The following CLCA4 variants were observed in gnomAD, a reference collection of about 807,000 sequenced individuals.
The protein encoded by CLCA4 is calcium-activated chloride channel regulator 4.
A neutral mutation model predicts 78.9 loss-of-function variants in CLCA4; 69 were observed. That is an observed-to-expected ratio of 0.87 (90% CI 0.72 to 1.07). The LOEUF (loss-of-function observed/expected upper bound fraction) is 1.07. CLCA4 is among the 50% of genes least tolerant of loss of function. CLCA4 has a pLI of 0.00. For missense variants in CLCA4, 1,133 were observed against 1,095.8 expected (o/e 1.03, Z -0.48); for synonymous variants, 362 against 375.8 (o/e 0.96, Z 0.42).
At chr1:86,551,754 C>A (rs1207209777) in intron 1 of CLCA4, among the ~76,000 whole-genome samples, 1 of 152,190 alleles carries the variant, frequency 6.6e-6, no homozygotes. Flanking sequence ...TCCTGAAGAC[C>A]AACTGGTGCC....
At chr1:86,559,289 G>GT (rs966010792) in intron 1 of CLCA4, among the ~76,000 whole-genome samples, 17 of 151,782 alleles carry the variant, frequency 1.1e-4, no homozygotes, top group Non-Finnish European at 2.2e-4. Context: ...TCTACTATGG[G>GT]TTTTTTTTCA....
At chr1:86,573,199 C>G (rs939779091) in intron 9 of CLCA4, among the ~76,000 whole-genome samples, 6 of 151,794 alleles carry the variant, frequency 4.0e-5, no homozygotes, top group Non-Finnish European at 5.9e-5. Context: ...TAATCATTGT[C>G]TATCTACAAA....
At chr1:86,566,147 C>T (rs966246627) in intron 6 of CLCA4, 127 bp downstream of exon 6, 45 of 673,172 alleles carry the variant, frequency 6.7e-5, no homozygotes, top group Non-Finnish European at 9.1e-5. Flanking sequence ...TGCCCATGAT[C>T]ATGACTTCAA....
At position 86,575,401 on chromosome 1, in the gene CLCA4, C is replaced by T. The variant is rs764564515; in HGVS notation, c.1753C>T (p.Arg585Ter). 28 of 1,613,222 alleles carry T rather than the reference C, an allele frequency of 1.7e-5. No homozygotes were observed. The highest frequency in any genetic ancestry group is 7.7e-5 in the South Asian group (7 of 91,054). ...AACATTAACTATTACAGTAACTTCT[C>T]GAGCAGCAAATTCTTCTGTGCCTCC... The part of the protein sequence containing the change: ...PETLTITVTS[R>*]AANSSVPPIT... The change falls in exon 11 of 14, where the codon CGA becomes TGA. Residue 585 changes from arginine (R) to a stop codon, truncating the protein, a stop_gained. Coordinates refer to ENST00000370563, the MANE Select transcript of CLCA4 (RefSeq NM_012128.4). LOFTEE classifies it high-confidence loss of function.
chr1:86,552,631 C>T (rs1013908607), intron 1 of CLCA4: 8 of 712,788 alleles, frequency 1.1e-5, no homozygotes, highest in African/African-American at 1.1e-4. Flanking sequence ...AGGTCTCCAC[C>T]AGGATCTCCA....
At chr1:86,564,878 T>C (rs1423547817) in intron 4 of CLCA4, among the ~76,000 whole-genome samples, 1 of 152,098 alleles carries the variant, frequency 6.6e-6, no homozygotes, top group Non-Finnish European at 1.5e-5. Context: ...ATATCTTCTT[T>C]GGAAGGAAAT....
At position 86,567,352 on chromosome 1, in the gene CLCA4, T is replaced by C; in HGVS notation, c.955-72T>C. The stretch of plus-strand genomic sequence containing the variant: ...AAATGTTACCAATAAATTCTGTCCA[T>C]TCATTTTATGTGATCTTCTATTATT... On this transcript the variant is annotated intron_variant, in intron 6 of 13. Coordinates refer to ENST00000370563, the MANE Select transcript of CLCA4 (RefSeq NM_012128.4). 7 of 1,246,570 alleles carry C rather than the reference T, an allele frequency of 5.6e-6. No homozygotes were observed. The South Asian group carries it at 1.0e-4, about 18-fold the overall frequency. The allele number at this position is 1,246,570 out of a possible 1,614,324, so 77.2% of individuals were successfully genotyped here.
At chr1:86,569,445 T>A (rs928799953) in intron 7 of CLCA4, among the ~76,000 whole-genome samples, 1 of 151,964 alleles carries the variant, frequency 6.6e-6, no homozygotes, top group Non-Finnish European at 1.5e-5. Context: ...TCAAAAAATA[T>A]GAGGCTTGTA....
chr1:86,549,035 T>C (rs1025722651), intron 1 of CLCA4, among the ~76,000 whole-genome samples: 8 of 152,200 alleles, frequency 5.3e-5, no homozygotes, highest in Non-Finnish European at 1.5e-5. Context: ...TCTGGCACCA[T>C]GCAGTGTATC....
chr1:86,571,816 G>C (rs373136601), intron 8 of CLCA4, among the ~76,000 whole-genome samples: 1 of 151,998 alleles, frequency 6.6e-6, no homozygotes, highest in Non-Finnish European at 1.5e-5. Flanking sequence ...AACTATGGTA[G>C]CTGTTATTTC....
intron 7 of CLCA4, 41 bp from the exon 8 acceptor site, chr1:86,571,036 G>A (rs759147577): frequency 3.4e-6 from 5 of 1,474,020 alleles, no homozygotes; most frequent in East Asian, 2.3e-5. Flanking sequence ...ATTTGATCTA[G>A]GAACATCTGT....
intron 4 of CLCA4, 83 bp downstream of exon 4, chr1:86,563,852 C>G: frequency 1.4e-6 from 1 of 713,142 alleles, no homozygotes; most frequent in African/African-American, 1.8e-5. Flanking sequence ...CAAAATCATT[C>G]TTAATGCAGA....
At chr1:86,550,475 C>A (rs750930261) in intron 1 of CLCA4, among the ~76,000 whole-genome samples, 8 of 151,946 alleles carry the variant, frequency 5.3e-5, no homozygotes, top group South Asian at 4.1e-4. Context: ...ACAGGCATGC[C>A]CAGATTTTAC....
chr1:86,553,531 G>A (rs962602807), intron 1 of CLCA4, among the ~76,000 whole-genome samples: 13 of 152,202 alleles, frequency 8.5e-5, no homozygotes, highest in South Asian at 2.1e-4. Context: ...CGCCGCTGCC[G>A]CCTGCTTCCC....
intron 12 of CLCA4, among the ~76,000 whole-genome samples, chr1:86,578,940 G>A (rs962652446): frequency 6.6e-6 from 1 of 151,976 alleles, no homozygotes; most frequent in African/African-American, 2.4e-5. Flanking sequence ...CTAGCAATTG[G>A]AATACAATCA....
chr1:86,562,073 A>G (rs967067885), intron 3 of CLCA4, among the ~76,000 whole-genome samples: 11 of 152,114 alleles, frequency 7.2e-5, no homozygotes, highest in Admixed American at 1.3e-4. Context: ...TTAAAAGTAC[A>G]CACACACACG....
At chr1:86,573,450 T>C (rs1236765172) in intron 9 of CLCA4, among the ~76,000 whole-genome samples, 1 of 152,022 alleles carries the variant, frequency 6.6e-6, no homozygotes, top group Non-Finnish European at 1.5e-5. Context: ...TTCCTACATG[T>C]CTATGTCATG....
At chr1:86,570,258 C>T (rs1361108424) in intron 7 of CLCA4, among the ~76,000 whole-genome samples, 1 of 151,914 alleles carries the variant, frequency 6.6e-6, no homozygotes, top group East Asian at 1.9e-4. Flanking sequence ...TCATTTTTCA[C>T]CTCTTGGCCT....
chr1:86,551,064 C>T (rs1649647024), intron 1 of CLCA4, among the ~76,000 whole-genome samples: 1 of 151,970 alleles, frequency 6.6e-6, no homozygotes, highest in South Asian at 2.1e-4. Context: ...ATCTCCTGAC[C>T]TCGTGATCCG....
Sources: allele counts gnomAD v4.1 joint callset (sites outside exome capture counted in the v4.1 genomes callset), GRCh38; gene constraint gnomAD v4.1.1; transcripts MANE v1.5; gene names NCBI Gene and HGNC (gene_info 2026-07-23, HGNC 2026-07-21).